Variants in SLC26A8 observed in about 807,000 individuals in gnomAD.
SLC26A8 encodes the protein solute carrier family 26 member 8.
In SLC26A8, 70 loss-of-function variants were observed where a neutral mutation model predicts 105.0. The ratio of observed to expected loss-of-function variants is 0.67; its 90% confidence interval spans 0.55 to 0.81. SLC26A8 has a LOEUF of 0.81. Ranked by LOEUF, SLC26A8 falls within the 40% of genes least tolerant of loss-of-function variation. SLC26A8 has a pLI of 0.00. For missense variants in SLC26A8, 998 were observed against 1,181.8 expected, an observed-to-expected ratio of 0.84 and a Z score of 2.28; for synonymous variants, 415 against 438.3, an observed-to-expected ratio of 0.95 and a Z score of 0.66.
intron 16 of SLC26A8, among the ~76,000 whole-genome samples, chr6:35,956,950 G>A (rs999013778): frequency 6.0e-5 from 9 of 151,062 alleles, no homozygotes; most frequent in Non-Finnish European, 1.3e-4. Flanking sequence ...AAAGCTGGGG[G>A]TGTGCCTCAC....
At chr6:35,959,962 G>C (rs1253123788) in intron 14 of SLC26A8, 156 bp from the exon 15 acceptor site, 2 of 563,370 alleles carry the variant, frequency 3.6e-6, no homozygotes, top group Non-Finnish European at 5.9e-6. Flanking sequence ...AGGCTGGAGT[G>C]CAATGGCGCG....
rs554718423 is a variant in SLC26A8, at chr6:35,961,104, T to C, written c.1462-5A>G. On this transcript the variant is annotated splice_region_variant and splice_polypyrimidine_tract_variant and intron_variant, in intron 12 of 19. Transcript: ENST00000490799. ...GAATGTCATCATCCAAAGAGCCTTA[T>C]GGAAAAGGGAATGAGGGGAAAATGA... 1.9e-6 allele frequency: 3 copies of C among 1,609,668 alleles called. No homozygotes were observed. Among genetic ancestry groups the C allele is most frequent in the African/African-American group, 2.7e-5 (2 of 74,944 alleles).
chr6:36,024,151 G>C (rs896463859), intron 1 of SLC26A8, among the ~76,000 whole-genome samples: 1 of 152,136 alleles, frequency 6.6e-6, no homozygotes, highest in East Asian at 1.9e-4. Flanking sequence ...AGGAACGGCC[G>C]GGCAGTCAGG....
intron 7 of SLC26A8, among the ~76,000 whole-genome samples, chr6:35,989,354 CT>C (rs1773660541): frequency 6.6e-6 from 1 of 152,094 alleles, no homozygotes; most frequent in Non-Finnish European, 1.5e-5. Flanking sequence ...AGTATGTAGC[CT>C]TTTGTGTCTT....
At chr6:35,961,731 A>G (rs945929389) in intron 12 of SLC26A8, among the ~76,000 whole-genome samples, 31 of 152,046 alleles carry the variant, frequency 2.0e-4, no homozygotes, top group African/African-American at 6.8e-4. Flanking sequence ...ATCCCCTTTC[A>G]TATTTCTTTG....
chr6:35,975,812 C>CTGAGGCAGGAGAATCGCT (rs1772990284), intron 9 of SLC26A8, among the ~76,000 whole-genome samples: 1 of 149,410 alleles, frequency 6.7e-6, no homozygotes, highest in Non-Finnish European at 1.5e-5. Flanking sequence ...ACTCGGGAGT[C>CTGAGGCAGGAGAATCGCT]TGAGGCAGGA....
chr6:36,007,589 G>A (rs1761726039), intron 3 of SLC26A8, among the ~76,000 whole-genome samples: 1 of 152,108 alleles, frequency 6.6e-6, no homozygotes, highest in African/African-American at 2.4e-5. Flanking sequence ...GGTAAATTTA[G>A]ATAAGCTGAT....
At chr6:35,983,131 A>G (rs1581661325) in intron 7 of SLC26A8, among the ~76,000 whole-genome samples, 1 of 152,242 alleles carries the variant, frequency 6.6e-6, no homozygotes, top group African/African-American at 2.4e-5. Context: ...GACGCTGAAC[A>G]GAACAGCAGT....
Position 35,970,351 on chromosome 6 carries a change from C to T in SLC26A8, c.1288-1397G>A, listed in dbSNP as rs115155099. On this transcript the variant is annotated intron_variant, in intron 10 of 19. Transcript: ENST00000490799. Reference sequence around the variant, plus strand: ...CAATCAACGTCCTGCTTCTTTCTTTCCCCATCCCAGCTGACTCACAGCTAA... The same window carrying T: ...CAATCAACGTCCTGCTTCTTTCTTTTCCCATCCCAGCTGACTCACAGCTAA... Among the ~76,000 whole-genome samples the T allele has an allele frequency of 8.0e-3, 1,222 of 152,318 alleles. 14 individuals carry two copies. The highest frequency in any genetic ancestry group is 0.027 in the African/African-American group (1,120 of 41,550).
chr6:35,964,339 A>G (rs533287237), intron 11 of SLC26A8, among the ~76,000 whole-genome samples: 3 of 152,324 alleles, frequency 2.0e-5, no homozygotes, highest in Admixed American at 2.0e-4. Context: ...ACTTTGTTTT[A>G]CTTTCAGAAA....
chr6:36,000,184 T>A, intron 3 of SLC26A8, 76 bp from the exon 4 acceptor site: 1 of 978,392 alleles, frequency 1.0e-6, no homozygotes. Context: ...AAAGAATATT[T>A]AAAATAAAAA....
intron 7 of SLC26A8, among the ~76,000 whole-genome samples, chr6:35,988,841 GTTTT>G (rs56822307): frequency 7.8e-6 from 1 of 128,384 alleles, no homozygotes. Context: ...GTTCTATACG[GTTTT>G]TTTTTTTTTT....
At chr6:35,975,594 T>A (rs1772978945) in intron 9 of SLC26A8, 106 bp from the exon 10 acceptor site, 1 of 619,970 alleles carries the variant, frequency 1.6e-6, no homozygotes, top group Admixed American at 2.9e-5. Context: ...TAGGGTTGTT[T>A]GCATCACTTG....
At chr6:36,014,607 T>G (rs559985711) in intron 2 of SLC26A8, among the ~76,000 whole-genome samples, 2 of 151,966 alleles carry the variant, frequency 1.3e-5, no homozygotes, top group Non-Finnish European at 2.9e-5. Flanking sequence ...TATGGCCAGG[T>G]GCGGTGGCTC....
chr6:35,957,139 T>C (rs373512452), intron 16 of SLC26A8, among the ~76,000 whole-genome samples: 3 of 152,040 alleles, frequency 2.0e-5, no homozygotes, highest in Admixed American at 2.0e-4. Flanking sequence ...GGAAAATTGC[T>C]TGAACCCAGG....
At chr6:35,972,991 C>T (rs932379170) in intron 10 of SLC26A8, among the ~76,000 whole-genome samples, 1 of 152,184 alleles carries the variant, frequency 6.6e-6, no homozygotes, top group African/African-American at 2.4e-5. Context: ...CTACACATAC[C>T]CTAAACCCTT....
chr6:35,976,101 T>G (rs1773008959), intron 9 of SLC26A8, among the ~76,000 whole-genome samples: 1 of 151,844 alleles, frequency 6.6e-6, no homozygotes, highest in African/African-American at 2.4e-5. Context: ...AGAAGCACAA[T>G]GCTATTCTCC....
In SLC26A8 at chr6:35,970,888, C is replaced by T. The variant is rs367637873; in HGVS notation, c.1288-1934G>A. On this transcript the variant is annotated intron_variant, in intron 10 of 19. Transcript: ENST00000490799. The stretch of plus-strand genomic sequence containing the variant: ...TAAAAATACAAAAAAATTAGCTGGG[C>T]GTAGTGGCAGGCGCCTGTAATCCCA... Among the ~76,000 whole-genome samples, 119 of 152,054 alleles carry T rather than the reference C, an allele frequency of 7.8e-4. 3 individuals are homozygous for T. In the South Asian group the frequency reaches 0.023, roughly 30 times the overall value.
chr6:36,016,479 A>G (rs190886284), intron 2 of SLC26A8, among the ~76,000 whole-genome samples: 4 of 152,382 alleles, frequency 2.6e-5, no homozygotes, highest in Admixed American at 1.3e-4. Flanking sequence ...ACCAGTAGAA[A>G]TGACAAACAT....
Sources: gnomAD v4.1 joint callset for allele counts (sites outside exome capture counted in the v4.1 genomes callset) on GRCh38, gnomAD v4.1.1 for gene constraint, MANE v1.5 for transcripts, NCBI Gene and HGNC (gene_info 2026-07-23, HGNC 2026-07-21) for gene names.